The following TENM4 variants were observed in gnomAD, a reference collection of about 807,000 sequenced individuals.
TENM4 encodes teneurin transmembrane protein 4, also known as teneurin-4.
In TENM4, 82 loss-of-function variants were observed where a neutral mutation model predicts 243.3. That is an observed-to-expected ratio of 0.34 (90% CI 0.28 to 0.40). The LOEUF (loss-of-function observed/expected upper bound fraction) is 0.40. Ranked by LOEUF, TENM4 falls within the 10% of genes least tolerant of loss-of-function variation. TENM4 has a pLI of 1.00. For missense variants in TENM4, 3,138 were observed against 3,673.3 expected (o/e 0.85, Z 3.77); for synonymous variants, 1,412 against 1,456.3 (o/e 0.97, Z 0.69).
At chr11:79,358,108 G>C (rs879388748) in intron 1 of TENM4, among the ~76,000 whole-genome samples, 1 of 152,128 alleles carries the variant, frequency 6.6e-6, no homozygotes, top group African/African-American at 2.4e-5. Flanking sequence ...CCTCCTAAAG[G>C]CTTCTGGGCT....
intron 6 of TENM4, among the ~76,000 whole-genome samples, chr11:79,044,336 T>C (rs1859607412): frequency 6.6e-6 from 1 of 152,148 alleles, no homozygotes; most frequent in Non-Finnish European, 1.5e-5. Flanking sequence ...AGGGCACTAA[T>C]AAAAACATCT....
chr11:78,917,498 A>T (rs1322734473), intron 6 of TENM4, among the ~76,000 whole-genome samples: 1 of 151,842 alleles, frequency 6.6e-6, no homozygotes, highest in African/African-American at 2.4e-5. Context: ...TTTTATTTTT[A>T]TTTTTTTTAT....
rs573671175 is a variant in TENM4 at position 79,163,806 on chromosome 11, T to TATATAC, written c.-162-15001_-162-15000insGTATAT. Among the ~76,000 whole-genome samples the TATATAC allele has an allele frequency of 2.4e-3, 344 of 143,516 alleles. 3 individuals are homozygous for TATATAC. Among genetic ancestry groups the TATATAC allele is most frequent in the African/African-American group, 8.0e-3 (312 of 38,952 alleles). 94.2% of individuals were successfully genotyped at this position (143,516 alleles called of 152,430 possible). On this transcript the variant is annotated intron_variant, in intron 3 of 33. Transcript: ENST00000278550. ...ATATATATATACACACACATATATA[T>TATATAC]ACACATATATATACATGTATGTGTA...
intron 12 of TENM4, among the ~76,000 whole-genome samples, chr11:78,849,870 T>C (rs754307304): frequency 3.9e-5 from 6 of 152,238 alleles, no homozygotes; most frequent in Non-Finnish European, 5.9e-5. Context: ...AATGAGTGAA[T>C]TATAGTTCAG....
At position 78,732,370 on chromosome 11, in the gene TENM4, C is replaced by T. The variant is rs1452920658; in HGVS notation, c.3084G>A (p.Leu1028=). 1 of 1,613,864 alleles carries T rather than the reference C, an allele frequency of 6.2e-7. No homozygotes were observed. Among genetic ancestry groups the T allele is most frequent in the South Asian group, 1.1e-5 (1 of 91,064 alleles). Residue 1028 remains leucine, a synonymous_variant, in exon 21 of 34, where the codon CTG becomes CTA. Coordinates refer to ENST00000278550, the MANE Select transcript of TENM4 (RefSeq NM_001098816.3). ...CTGCACAGGAGCTGGCGAAGGACGT[C>T]AGTGGGGATGGAGAGACGACTGGGT... ...RPNPVVSPSP[L]TSFASSCAEK... is the part of the protein sequence containing the mutation.
chr11:78,996,025 T>A (rs1411806792), intron 6 of TENM4, among the ~76,000 whole-genome samples: 1 of 152,176 alleles, frequency 6.6e-6, no homozygotes, highest in Non-Finnish European at 1.5e-5. Flanking sequence ...TCAGCTGATT[T>A]ACGTGGAGAG....
intron 1 of TENM4, among the ~76,000 whole-genome samples, chr11:79,332,894 A>T (rs1457129477): frequency 6.6e-6 from 1 of 152,108 alleles, no homozygotes; most frequent in Non-Finnish European, 1.5e-5. Context: ...GTCTTTAGAA[A>T]GTCACCTAAA....
intron 12 of TENM4, among the ~76,000 whole-genome samples, chr11:78,819,460 GC>G (rs1267923156): frequency 1.3e-5 from 2 of 152,182 alleles, no homozygotes; most frequent in Non-Finnish European, 2.9e-5. Context: ...TACCTGGACA[GC>G]CCAATTGCCT....
chr11:78,956,350 T>G (rs1235122188), intron 6 of TENM4, among the ~76,000 whole-genome samples: 2 of 152,074 alleles, frequency 1.3e-5, no homozygotes, highest in Non-Finnish European at 2.9e-5. Context: ...CAGCAGACAG[T>G]CTATCAGGAA....
chr11:78,779,821 AG>A (rs1856807400), intron 16 of TENM4, among the ~76,000 whole-genome samples: 1 of 152,232 alleles, frequency 6.6e-6, no homozygotes, highest in African/African-American at 2.4e-5. Flanking sequence ...AGGAATCCCT[AG>A]GGTTCTTTAA....
intron 2 of TENM4, among the ~76,000 whole-genome samples, chr11:79,268,806 T>G (rs1175029687): frequency 6.6e-6 from 1 of 152,236 alleles, no homozygotes; most frequent in African/African-American, 2.4e-5. Flanking sequence ...GTGATTTCAT[T>G]GCTTGAAATG....
intron 4 of TENM4, among the ~76,000 whole-genome samples, chr11:79,134,953 G>A (rs1056012763): frequency 6.6e-6 from 1 of 152,034 alleles, no homozygotes; most frequent in South Asian, 2.1e-4. Context: ...TCATGACCAA[G>A]AACCCAAAAG....
At chr11:79,402,982 C>A (rs1248377767) in intron 1 of TENM4, among the ~76,000 whole-genome samples, 2 of 152,276 alleles carry the variant, frequency 1.3e-5, no homozygotes, top group Non-Finnish European at 1.5e-5. Flanking sequence ...GAATATTAAA[C>A]CTTCACACAA....
At chr11:79,225,889 C>A (rs1023710722) in intron 2 of TENM4, among the ~76,000 whole-genome samples, 5 of 152,132 alleles carry the variant, frequency 3.3e-5, no homozygotes, top group Non-Finnish European at 5.9e-5. Context: ...ACGATCATCA[C>A]CTTAAAGTTA....
intron 6 of TENM4, among the ~76,000 whole-genome samples, chr11:78,987,496 G>A (rs1341131452): frequency 6.6e-6 from 1 of 152,180 alleles, no homozygotes; most frequent in African/African-American, 2.4e-5. Context: ...CTCAGGGTAG[G>A]TGAGTGCATG....
intron 6 of TENM4, among the ~76,000 whole-genome samples, chr11:78,998,264 C>G (rs919052176): frequency 7.2e-5 from 11 of 152,170 alleles, no homozygotes; most frequent in Admixed American, 2.6e-4. Flanking sequence ...CAGTTTCAAG[C>G]TGGAGGACAC....
chr11:79,342,183 C>A (rs1158729075), intron 1 of TENM4, among the ~76,000 whole-genome samples: 1 of 152,170 alleles, frequency 6.6e-6, no homozygotes, highest in Admixed American at 6.5e-5. Flanking sequence ...GGGGGCTGTC[C>A]AAGCTCTGTG....
At position 78,771,026 on chromosome 11, in the gene TENM4, C is replaced by T. The variant is rs767899192; in HGVS notation, c.2505G>A (p.Glu835=). ...TGTCTTTGCTGTCACCGCAGGCAGT[C>T]TCCATGGAAGTGTCACAGCCAGCTC... ...WRGAGCDTSM[E]TACGDSKDND... The change falls in exon 18 of 34, where the codon GAG becomes GAA. Residue 835 remains glutamate (E), a synonymous_variant. Coordinates refer to ENST00000278550, the MANE Select transcript of TENM4 (RefSeq NM_001098816.3). 1 of 1,584,912 alleles carries T rather than the reference C, an allele frequency of 6.3e-7. No homozygotes were observed. Among genetic ancestry groups the T allele is most frequent in the Admixed American group, 1.8e-5 (1 of 56,062 alleles).
At chr11:79,437,366 C>T (rs1168152563) in intron 1 of TENM4, among the ~76,000 whole-genome samples, 1 of 152,222 alleles carries the variant, frequency 6.6e-6, no homozygotes, top group Non-Finnish European at 1.5e-5. Context: ...TGCAGAGCGC[C>T]CGGAGCGCGC....
Sources: gnomAD v4.1 joint callset for allele counts (sites outside exome capture counted in the v4.1 genomes callset) on GRCh38, gnomAD v4.1.1 for gene constraint, MANE v1.5 for transcripts, NCBI Gene and HGNC (gene_info 2026-07-23, HGNC 2026-07-21) for gene names.